MED12L: variants seen among roughly 807,000 people sequenced by gnomAD.
MED12L encodes mediator complex subunit 12L, also known as mediator of RNA polymerase II transcription subunit 12-like protein.
MED12L carries 60 observed loss-of-function variants against 281.3 expected under a neutral mutation model. The ratio of observed to expected loss-of-function variants is 0.21; its 90% CI spans 0.17 to 0.26. The LOEUF is 0.26. Among genes scored for constraint, MED12L ranks in the 10% least tolerant of loss-of-function variants. The pLI, the probability that MED12L is intolerant of heterozygous loss-of-function variation, is 1.00. For missense variants in MED12L, 2,146 were observed against 2,680.9 expected (o/e 0.80, Z 4.41); for synonymous variants, 974 against 987.2 (o/e 0.99, Z 0.25).
chr3:151,295,031 T>G (rs1193932640), intron 16 of MED12L: 2 of 1,613,724 alleles, frequency 1.2e-6, no homozygotes. Context: ...GCTGGTTTTA[T>G]TCCTAATGTG....
intron 17 of MED12L, among the ~76,000 whole-genome samples, chr3:151,350,893 C>T (rs776467329): frequency 1.1e-4 from 16 of 152,150 alleles, no homozygotes; most frequent in Non-Finnish European, 1.8e-4. Context: ...ATCCACTTCA[C>T]GTTTGCCTAA....
chr3:151,121,447 T>C (rs1000141166), intron 3 of MED12L, among the ~76,000 whole-genome samples: 7 of 152,232 alleles, frequency 4.6e-5, no homozygotes, highest in Admixed American at 6.5e-5. Flanking sequence ...TAGATGAATT[T>C]GGCTAATGGC....
In MED12L at chr3:151,282,227, A is replaced by T. The variant is rs1337924736; in HGVS notation, c.2251-67832A>T. On this transcript the variant is annotated intron_variant, in intron 16 of 44. Coordinates refer to ENST00000687756, the MANE Select transcript of MED12L (RefSeq NM_001393769.1). ...CTGTATAGACCTTATTCTTTTTCGT[A>T]GCTTTGTAGTATTCCATAATTTGTT... is the stretch of plus-strand genomic sequence containing the variant. Among the ~76,000 whole-genome samples, 3 of 152,208 alleles carry T rather than the reference A, an allele frequency of 2.0e-5. No homozygotes were observed. The East Asian group carries it at 5.8e-4, about 29-fold the overall frequency.
intron 19 of MED12L, among the ~76,000 whole-genome samples, 170 bp downstream of exon 19, chr3:151,356,209 G>A (rs6808091): frequency 0.29 from 43,410 of 151,804 alleles, 6,333 homozygotes; most frequent in Non-Finnish European, 0.31. Flanking sequence ...AGACCAGCCT[G>A]GGCAACTTAG....
chr3:151,124,443 C>T (rs1236217510), intron 4 of MED12L, among the ~76,000 whole-genome samples: 1 of 152,152 alleles, frequency 6.6e-6, no homozygotes, highest in Non-Finnish European at 1.5e-5. Context: ...TTATTCATTT[C>T]TTGAGCATTT....
intron 39 of MED12L, among the ~76,000 whole-genome samples, chr3:151,399,366 T>C (rs1715373587): frequency 6.6e-6 from 1 of 152,252 alleles, no homozygotes; most frequent in South Asian, 2.1e-4. Context: ...TTCTTAAATA[T>C]GTTAAGCTTT....
rs537258143 is a variant in MED12L, at chr3:151,243,751, A to G, written c.2250+50085A>G. 9.2e-3 allele frequency among the ~76,000 whole-genome samples: 1,404 copies of G among 152,064 alleles called. 21 individuals carry two copies. The highest frequency in any genetic ancestry group is 0.031 in the African/African-American group (1,305 of 41,470). On this transcript the variant is annotated intron_variant, in intron 16 of 44. Transcript: ENST00000687756. Reference sequence around the variant, plus strand: ...AGCTAACATCATCATGACAGGATCAAATTCACACATAACAATATTAACTTT... The same window carrying G: ...AGCTAACATCATCATGACAGGATCAGATTCACACATAACAATATTAACTTT...
At chr3:151,298,321 A>C (rs1247292023) in intron 16 of MED12L, among the ~76,000 whole-genome samples, 1 of 152,200 alleles carries the variant, frequency 6.6e-6, no homozygotes, top group Non-Finnish European at 1.5e-5. Flanking sequence ...GAACTTGGCC[A>C]AGTTAGGAAA....
intron 39 of MED12L, among the ~76,000 whole-genome samples, chr3:151,399,397 G>A (rs1160562211): frequency 6.6e-6 from 1 of 152,106 alleles, no homozygotes; most frequent in South Asian, 2.1e-4. Flanking sequence ...CATATCAAAT[G>A]GTTTACTTGT....
intron 16 of MED12L, among the ~76,000 whole-genome samples, chr3:151,204,407 C>T (rs1377349862): frequency 1.3e-5 from 2 of 152,114 alleles, no homozygotes; most frequent in Non-Finnish European, 2.9e-5. Flanking sequence ...ATATTGGTCA[C>T]GTCTCAGGTA....
intron 2 of MED12L, among the ~76,000 whole-genome samples, chr3:151,093,505 T>C (rs1246368502): frequency 1.3e-5 from 2 of 152,244 alleles, no homozygotes; most frequent in African/African-American, 4.8e-5. Context: ...TCCTACCTGC[T>C]GCCCTTGATT....
In MED12L at chr3:151,213,497, G is replaced by A. The variant is rs145589776; in HGVS notation, c.2250+19831G>A. On this transcript the variant is annotated intron_variant, in intron 16 of 44. Coordinates refer to ENST00000687756, the MANE Select transcript of MED12L (RefSeq NM_001393769.1). ...AGCAGAGTGAATTCTTTCATATACC[G>A]CAAGATTTCTTTTGACTGGCAGCTG... 6.4e-5 allele frequency: 103 copies of A among 1,613,878 alleles called. 3 individuals carry two copies. The South Asian group carries it at 1.0e-3, about 16-fold the overall frequency.
At chr3:151,253,929 T>A (rs982224720) in intron 16 of MED12L, among the ~76,000 whole-genome samples, 1 of 151,834 alleles carries the variant, frequency 6.6e-6, no homozygotes, top group African/African-American at 2.4e-5. Flanking sequence ...CTCCACTACT[T>A]TTTTTTTCTT....
chr3:151,268,279 A>G (rs1456482797), intron 16 of MED12L, among the ~76,000 whole-genome samples: 1 of 152,078 alleles, frequency 6.6e-6, no homozygotes, highest in Non-Finnish European at 1.5e-5. Context: ...GTCAGTTTTC[A>G]ACAGAGCTGC....
chr3:151,181,374 G>A (rs972558267), intron 11 of MED12L, among the ~76,000 whole-genome samples: 1 of 151,448 alleles, frequency 6.6e-6, no homozygotes, highest in Non-Finnish European at 1.5e-5. Context: ...CTCATCATTA[G>A]TGCTTTTATA....
At chr3:151,430,662 A>G (rs1265831611) in intron 44 of MED12L, among the ~76,000 whole-genome samples, 6 of 148,598 alleles carry the variant, frequency 4.0e-5, no homozygotes, top group South Asian at 2.2e-4. Context: ...GGGGACTCCT[A>G]TGGAATCAAA....
intron 16 of MED12L, among the ~76,000 whole-genome samples, chr3:151,209,547 T>C (rs965819484): frequency 1.3e-5 from 2 of 152,186 alleles, no homozygotes; most frequent in Admixed American, 6.5e-5. Flanking sequence ...TGGCTTTTAC[T>C]GTTGAAGACC....
intron 3 of MED12L, among the ~76,000 whole-genome samples, chr3:151,121,844 TAGG>T (rs1314788544): frequency 6.6e-6 from 1 of 151,678 alleles, no homozygotes; most frequent in Non-Finnish European, 1.5e-5. Context: ...GCCTCCCGAG[TAGG>T]TGGGATTATA....
intron 16 of MED12L, among the ~76,000 whole-genome samples, chr3:151,312,063 A>G (rs1457677248): frequency 6.6e-6 from 1 of 152,210 alleles, no homozygotes; most frequent in Non-Finnish European, 1.5e-5. Flanking sequence ...CACAAAAACA[A>G]TTGATTTTGC....
Sources: allele counts gnomAD v4.1 joint callset (sites outside exome capture counted in the v4.1 genomes callset), GRCh38; gene constraint gnomAD v4.1.1; transcripts MANE v1.5; gene names NCBI Gene and HGNC (gene_info 2026-07-23, HGNC 2026-07-21).